The following GTF2B variants were observed in gnomAD, a reference collection of about 807,000 sequenced individuals.
GTF2B encodes the protein transcription initiation factor IIB.
A neutral mutation model predicts 34.6 loss-of-function variants in GTF2B; 20 were observed. The ratio of observed to expected loss-of-function variants is 0.58; its 90% CI spans 0.41 to 0.84. GTF2B has a LOEUF of 0.84. Ranked by LOEUF, GTF2B falls within the 40% of genes least tolerant of loss-of-function variation. The pLI is 0.00. For synonymous variants in GTF2B, 142 were observed against 132.4 expected, an observed-to-expected ratio of 1.07 and a Z score of -0.50; for missense variants, 237 against 393.3, an observed-to-expected ratio of 0.60 and a Z score of 3.36.
intron 1 of GTF2B, among the ~76,000 whole-genome samples, chr1:88,889,547 C>A (rs1273973525): frequency 6.6e-6 from 1 of 152,222 alleles, no homozygotes; most frequent in Non-Finnish European, 1.5e-5. Context: ...AAGAAAGGCA[C>A]TATTTCACAT....
chr1:88,878,315 C>G (rs1208686660), intron 2 of GTF2B, among the ~76,000 whole-genome samples: 1 of 152,100 alleles, frequency 6.6e-6, no homozygotes, highest in Non-Finnish European at 1.5e-5. Flanking sequence ...AGAGTCACTA[C>G]CAGTATCTCA....
intron 2 of GTF2B, among the ~76,000 whole-genome samples, chr1:88,873,176 CATTAA>C (rs1164236335): frequency 5.4e-5 from 8 of 147,676 alleles, no homozygotes; most frequent in African/African-American, 2.0e-4. Flanking sequence ...CACAGGATTC[CATTAA>C]GTTTTTTTTT....
At position 88,868,660 on chromosome 1, in the gene GTF2B, T is replaced by C. The variant is rs1313114094; in HGVS notation, c.125-4546A>G. 2.6e-5 allele frequency among the ~76,000 whole-genome samples: 4 copies of C among 152,240 alleles called. No individual in the cohort carries two copies. The East Asian group carries it at 7.7e-4, about 29-fold the overall frequency. On this transcript the variant is annotated intron_variant, in intron 2 of 6. Coordinates refer to ENST00000370500, the MANE Select transcript of GTF2B (RefSeq NM_001514.6). ...AAAAGTCACTTGCACCAGTTTCAAG[T>C]GGTTTAGTCACTTTGGCACCTATCT...
At chr1:88,878,811 C>T (rs1261908561) in intron 2 of GTF2B, among the ~76,000 whole-genome samples, 1 of 152,172 alleles carries the variant, frequency 6.6e-6, no homozygotes, top group Non-Finnish European at 1.5e-5. Context: ...CCAACTACCA[C>T]GTAGTATAAA....
chr1:88,880,636 A>G (rs1333130951), intron 2 of GTF2B, among the ~76,000 whole-genome samples: 2 of 152,184 alleles, frequency 1.3e-5, no homozygotes, highest in South Asian at 2.1e-4. Context: ...CTCACAGAAC[A>G]ATGGGATGAA....
Position 88,856,064 on chromosome 1 carries a change from G to C in GTF2B, c.817+1142C>G, listed in dbSNP as rs373886152. On this transcript the variant is annotated intron_variant, in intron 6 of 6. Transcript: ENST00000370500. ...GCAGGCGAATCACATGAGGCCAGGAGTTCGAGACAAGCCTGCCCAACATGG... is the reference window on the plus strand; with the variant it reads ...GCAGGCGAATCACATGAGGCCAGGACTTCGAGACAAGCCTGCCCAACATGG... 2.5e-4 allele frequency among the ~76,000 whole-genome samples: 38 copies of C among 152,142 alleles called. No homozygotes were observed. In the East Asian group the frequency reaches 6.8e-3, roughly 27 times the overall value.
chr1:88,853,474 T>C (rs1004615472), intron 6 of GTF2B, 128 bp from the exon 7 acceptor site: 2 of 809,420 alleles, frequency 2.5e-6, no homozygotes, highest in East Asian at 2.5e-5. Context: ...AAGTGATTTC[T>C]AAAAACTGAT....
chr1:88,879,520 G>A (rs775337752), intron 2 of GTF2B, among the ~76,000 whole-genome samples: 140 of 151,526 alleles, frequency 9.2e-4, no homozygotes, highest in Non-Finnish European at 1.7e-3. Flanking sequence ...GGAGGTGGAG[G>A]TTGCAGTGAG....
At chr1:88,876,005 C>T (rs141069073) in intron 2 of GTF2B, among the ~76,000 whole-genome samples, 2 of 152,316 alleles carry the variant, frequency 1.3e-5, no homozygotes, top group East Asian at 3.9e-4. Flanking sequence ...AAAGGGCAGT[C>T]TGCTACTCAA....
At chr1:88,890,604 A>C (rs1674176451) in intron 1 of GTF2B, among the ~76,000 whole-genome samples, 1 of 152,072 alleles carries the variant, frequency 6.6e-6, no homozygotes, top group Non-Finnish European at 1.5e-5. Flanking sequence ...TAGACTCTAC[A>C]CTCTAACACG....
intron 2 of GTF2B, among the ~76,000 whole-genome samples, chr1:88,880,933 T>C (rs1282620458): frequency 6.9e-6 from 1 of 145,304 alleles, no homozygotes; most frequent in Non-Finnish European, 1.5e-5. Flanking sequence ...CACTTGAACC[T>C]GGGAGGTGGA....
chr1:88,886,808 C>T (rs1463016026), intron 2 of GTF2B, among the ~76,000 whole-genome samples: 4 of 107,268 alleles, frequency 3.7e-5, no homozygotes, highest in Non-Finnish European at 8.8e-5. Context: ...GTTTCTGTTT[C>T]CTAATTGTTT....
chr1:88,882,310 CAAAAAAAAAAAAAA>C (rs59699371), intron 2 of GTF2B, among the ~76,000 whole-genome samples: 2 of 36,016 alleles, frequency 5.6e-5, no homozygotes, highest in African/African-American at 8.1e-5. Flanking sequence ...ACTCTCACTC[CAAAAAAAAAAAAAA>C]AAAAAAAAAA....
intron 2 of GTF2B, among the ~76,000 whole-genome samples, chr1:88,875,745 AC>A (rs1342527823): frequency 1.3e-5 from 2 of 152,144 alleles, no homozygotes; most frequent in African/African-American, 4.8e-5. Context: ...GTATTAAGTT[AC>A]CCTACTCTCT....
intron 2 of GTF2B, among the ~76,000 whole-genome samples, chr1:88,878,503 C>G (rs564824333): frequency 6.6e-6 from 1 of 152,290 alleles, no homozygotes; most frequent in East Asian, 1.9e-4. Context: ...TAATACATAG[C>G]TATTTAAATA....
intron 2 of GTF2B, among the ~76,000 whole-genome samples, chr1:88,870,532 T>C (rs886881638): frequency 1.3e-5 from 2 of 151,904 alleles, no homozygotes; most frequent in African/African-American, 4.9e-5. Context: ...AGACTAGACC[T>C]AGATTTTTTT....
intron 3 of GTF2B, among the ~76,000 whole-genome samples, chr1:88,860,549 A>T (rs1384812426): frequency 6.6e-6 from 1 of 152,238 alleles, no homozygotes; most frequent in Non-Finnish European, 1.5e-5. Context: ...AATTTCACTT[A>T]GAAATATGAT....
chr1:88,861,792 A>G (rs1412807373), intron 3 of GTF2B, among the ~76,000 whole-genome samples: 1 of 152,176 alleles, frequency 6.6e-6, no homozygotes, highest in Non-Finnish European at 1.5e-5. Flanking sequence ...TGATTACATC[A>G]CTTCACTCTA....
rs145319503 is a variant in GTF2B at position 88,856,247 on chromosome 1, C to T, written c.817+959G>A. 1.0e-3 allele frequency among the ~76,000 whole-genome samples: 115 copies of T among 109,648 alleles called. 1 individual carries two copies. Among genetic ancestry groups the T allele is most frequent in the African/African-American group, 3.9e-3 (112 of 28,640 alleles). The allele number at this position is 109,648 out of a possible 152,430, so 71.9% of individuals were successfully genotyped here. A position where few individuals can be genotyped will look rare whatever the true frequency, so the allele number is the denominator to read the frequency against. ...TGTGCCACTGTACCTCCAGCCTGCG[C>T]AACAGAGGGAGACTGTTTCAAAAAC... On this transcript the variant is annotated intron_variant, in intron 6 of 6. Coordinates refer to ENST00000370500, the MANE Select transcript of GTF2B (RefSeq NM_001514.6).
Sources: allele counts gnomAD v4.1 joint callset (sites outside exome capture counted in the v4.1 genomes callset), GRCh38; gene constraint gnomAD v4.1.1; transcripts MANE v1.5; gene names NCBI Gene and HGNC (gene_info 2026-07-23, HGNC 2026-07-21).